The following ARHGAP18 variants were observed in gnomAD, a reference collection of about 807,000 sequenced individuals.
The protein encoded by ARHGAP18 is Rho GTPase activating protein 18.
Under a neutral mutation model 86.2 loss-of-function variants are expected in ARHGAP18, and 67 were observed. That is an observed-to-expected ratio of 0.78 (90% CI 0.64 to 0.95). The LOEUF is 0.95. Among genes scored for constraint, ARHGAP18 ranks in the 40% least tolerant of loss-of-function variants. ARHGAP18 has a pLI of 0.00. For missense variants in ARHGAP18, 691 were observed against 780.4 expected (o/e 0.89, Z 1.37); for synonymous variants, 283 against 280.4 (o/e 1.01, Z -0.09).
intron 10 of ARHGAP18, among the ~76,000 whole-genome samples, chr6:129,603,310 A>G (rs1383923008): frequency 1.3e-5 from 2 of 152,158 alleles, no homozygotes; most frequent in African/African-American, 4.8e-5. Flanking sequence ...AAGTTGTTGC[A>G]GAGGCCATTA....
At chr6:129,635,300 A>G (rs1000559184) in intron 3 of ARHGAP18, among the ~76,000 whole-genome samples, 1 of 152,208 alleles carries the variant, frequency 6.6e-6, no homozygotes, top group Non-Finnish European at 1.5e-5. Context: ...TGAAGTCTAA[A>G]AAGAGCCTAG....
At chr6:129,665,871 G>A (rs1483887647) in intron 1 of ARHGAP18, among the ~76,000 whole-genome samples, 3 of 152,032 alleles carry the variant, frequency 2.0e-5, no homozygotes, top group Non-Finnish European at 1.5e-5. Flanking sequence ...AATGAGATAC[G>A]TACATAAAAC....
intron 5 of ARHGAP18, among the ~76,000 whole-genome samples, chr6:129,624,982 A>ATATGTAT (rs1398983888): frequency 1.8e-5 from 2 of 109,346 alleles, no homozygotes; most frequent in Non-Finnish European, 3.8e-5. Flanking sequence ...TTTATATATA[A>ATATGTAT]TATATATTAT....
At chr6:129,650,079 ATT>A (rs552437933) in intron 1 of ARHGAP18, among the ~76,000 whole-genome samples, 38 of 136,742 alleles carry the variant, frequency 2.8e-4, no homozygotes, top group African/African-American at 5.4e-4. Context: ...CACCTGGCTA[ATT>A]TTTTTTTTTT....
chr6:129,625,724 ATATATATTTAT>A (rs1295312551), intron 5 of ARHGAP18, among the ~76,000 whole-genome samples: 17 of 45,364 alleles, frequency 3.7e-4, no homozygotes, highest in East Asian at 2.4e-3. Context: ...TTTATATATT[ATATATATTTAT>A]TATATATTTA....
intron 7 of ARHGAP18, among the ~76,000 whole-genome samples, chr6:129,615,854 A>T (rs907473307): frequency 6.6e-6 from 1 of 152,244 alleles, no homozygotes; most frequent in African/African-American, 2.4e-5. Context: ...CTGTAAATAG[A>T]AAAGCTGAGG....
chr6:129,638,579 A>C lies in ARHGAP18; in HGVS notation c.367T>G (p.Phe123Val). The C allele has an allele frequency of 6.2e-7, 1 of 1,614,188 alleles. No homozygotes were observed. Among genetic ancestry groups the C allele is most frequent in the Non-Finnish European group, 8.5e-7 (1 of 1,180,028 alleles). ...WLKEAGLSNL[F>V]GESAGDPQES... ...TGTGGATCTCCAGCAGACTCTCCGA[A>C]GAGATTGGATAAACCGGCCTCTTTA... Residue 123 changes from phenylalanine to valine, a missense_variant, in exon 3 of 15, where the codon TTC becomes GTC. Coordinates refer to ENST00000368149, the MANE Select transcript of ARHGAP18 (RefSeq NM_033515.3).
chr6:129,661,952 G>A, intron 1 of ARHGAP18: 1 of 980,562 alleles, frequency 1.0e-6, no homozygotes, highest in Non-Finnish European at 1.2e-6. Flanking sequence ...AGGTGACACT[G>A]TTGTCACTAC....
intron 10 of ARHGAP18, among the ~76,000 whole-genome samples, chr6:129,601,294 G>T (rs1430883757): frequency 6.6e-6 from 1 of 152,164 alleles, no homozygotes; most frequent in African/African-American, 2.4e-5. Context: ...ATCAATATCT[G>T]GCTGATGTGG....
intron 11 of ARHGAP18, 62 bp from the exon 12 acceptor site, chr6:129,599,418 A>C: frequency 7.6e-7 from 1 of 1,316,620 alleles, no homozygotes. Context: ...TAAACTACAA[A>C]AAAAAATTAT....
intron 1 of ARHGAP18, among the ~76,000 whole-genome samples, chr6:129,687,040 T>C (rs1311984945): frequency 6.8e-6 from 1 of 147,920 alleles, no homozygotes; most frequent in East Asian, 2.0e-4. Context: ...GCCAGGCTAG[T>C]CTCAAACTCC....
chr6:129,596,249 C>T (rs955469554), intron 12 of ARHGAP18, among the ~76,000 whole-genome samples: 3 of 152,122 alleles, frequency 2.0e-5, no homozygotes, highest in African/African-American at 7.2e-5. Flanking sequence ...TTCACACTAC[C>T]GTTCCCTCTG....
intron 12 of ARHGAP18, among the ~76,000 whole-genome samples, chr6:129,591,163 A>G (rs1046796607): frequency 1.3e-5 from 2 of 152,236 alleles, no homozygotes; most frequent in African/African-American, 4.8e-5. Context: ...TTATTACTAT[A>G]CTAATTACAT....
chr6:129,692,876 G>A (rs1453219174), intron 1 of ARHGAP18, among the ~76,000 whole-genome samples: 1 of 152,162 alleles, frequency 6.6e-6, no homozygotes, highest in African/African-American at 2.4e-5. Context: ...AAATCCACAT[G>A]CTATGAAAAA....
At chr6:129,601,767 C>T (rs1270255029) in intron 10 of ARHGAP18, among the ~76,000 whole-genome samples, 2 of 151,774 alleles carry the variant, frequency 1.3e-5, no homozygotes, top group African/African-American at 2.4e-5. Flanking sequence ...GCTGGGACCA[C>T]AGGTGCATGC....
At chr6:129,699,529 T>C (rs1774676889) in intron 1 of ARHGAP18, among the ~76,000 whole-genome samples, 1 of 152,256 alleles carries the variant, frequency 6.6e-6, no homozygotes, top group Non-Finnish European at 1.5e-5. Flanking sequence ...GAACTTGGAA[T>C]CCATTTTCCT....
chr6:129,587,838 G>A (rs1788428828), intron 12 of ARHGAP18, among the ~76,000 whole-genome samples: 1 of 152,174 alleles, frequency 6.6e-6, no homozygotes, highest in East Asian at 1.9e-4. Flanking sequence ...AAAATCTCAT[G>A]TCCTCACATT....
intron 12 of ARHGAP18, among the ~76,000 whole-genome samples, chr6:129,595,753 C>G (rs1328979977): frequency 6.6e-6 from 1 of 152,160 alleles, no homozygotes; most frequent in Non-Finnish European, 1.5e-5. Flanking sequence ...ACCTGATTTT[C>G]TCTCCAAACA....
chr6:129,684,207 A>G (rs559291324), intron 1 of ARHGAP18, among the ~76,000 whole-genome samples: 1 of 152,378 alleles, frequency 6.6e-6, no homozygotes, highest in African/African-American at 2.4e-5. Flanking sequence ...GATGCATGCG[A>G]TAGCTAAGAA....
Sources: allele counts gnomAD v4.1 joint callset (sites outside exome capture counted in the v4.1 genomes callset), GRCh38; gene constraint gnomAD v4.1.1; transcripts MANE v1.5; gene names NCBI Gene and HGNC (gene_info 2026-07-23, HGNC 2026-07-21).